The following PTPRN2 variants were observed in gnomAD, a reference collection of about 807,000 sequenced individuals.
PTPRN2 encodes the protein protein tyrosine phosphatase receptor type N2.
In PTPRN2, 74 loss-of-function variants were observed where a neutral mutation model predicts 118.8. The ratio of observed to expected loss-of-function variants is 0.62; its 90% confidence interval spans 0.52 to 0.76. PTPRN2 has a LOEUF of 0.76. PTPRN2 is among the 30% of genes least tolerant of loss of function. PTPRN2 has a pLI of 0.00. For synonymous variants in PTPRN2, 641 were observed against 608.0 expected (o/e 1.05, Z -0.80); for missense variants, 1,481 against 1,394.4 (o/e 1.06, Z -0.99).
At chr7:158,469,554 C>T (rs1819688510) in intron 2 of PTPRN2, among the ~76,000 whole-genome samples, 1 of 152,040 alleles carries the variant, frequency 6.6e-6, no homozygotes, top group Non-Finnish European at 1.5e-5. Context: ...AAGCAAAATC[C>T]CAATTGTTGA....
chr7:158,384,522 C>A (rs1811186208), intron 2 of PTPRN2, among the ~76,000 whole-genome samples: 1 of 152,142 alleles, frequency 6.6e-6, no homozygotes, highest in African/African-American at 2.4e-5. Flanking sequence ...AATGAAAGTA[C>A]ACAAAGCCAG....
intron 10 of PTPRN2, among the ~76,000 whole-genome samples, chr7:158,103,428 C>A (rs541935549): frequency 1.6e-4 from 24 of 152,336 alleles, no homozygotes; most frequent in African/African-American, 5.8e-4. Context: ...ACAGGTGAGA[C>A]TCAAAGACCA....
intron 1 of PTPRN2, among the ~76,000 whole-genome samples, chr7:158,579,848 G>C (rs1425547617): frequency 6.6e-6 from 1 of 152,198 alleles, no homozygotes; most frequent in Non-Finnish European, 1.5e-5. Flanking sequence ...CAGGCACATG[G>C]ATGCCGCAAG....
chr7:157,849,294 C>A (rs1011708800), intron 12 of PTPRN2, among the ~76,000 whole-genome samples: 3 of 152,202 alleles, frequency 2.0e-5, no homozygotes, highest in African/African-American at 7.2e-5. Flanking sequence ...CAGCATGAGG[C>A]CACCGTCATT....
chr7:158,348,013 A>G (rs1260738439), intron 2 of PTPRN2, among the ~76,000 whole-genome samples: 1 of 152,098 alleles, frequency 6.6e-6, no homozygotes, highest in Non-Finnish European at 1.5e-5. Flanking sequence ...CAGGAGCCAC[A>G]AGAACATCTC....
intron 2 of PTPRN2, among the ~76,000 whole-genome samples, chr7:158,448,505 AG>A (rs532198503): frequency 2.2e-4 from 31 of 142,990 alleles, no homozygotes; most frequent in Non-Finnish European, 3.7e-4. Context: ...TGGGGTGGGG[AG>A]GGGGTCCCCT....
chr7:158,323,262 A>G (rs537454295), intron 2 of PTPRN2, among the ~76,000 whole-genome samples: 19 of 152,286 alleles, frequency 1.2e-4, no homozygotes, highest in African/African-American at 4.3e-4. Context: ...GAGTTCTGGG[A>G]TGCAACCCCC....
intron 2 of PTPRN2, among the ~76,000 whole-genome samples, chr7:158,362,373 G>A (rs552529638): frequency 3.8e-5 from 5 of 133,308 alleles, no homozygotes; most frequent in Admixed American, 8.0e-5. Context: ...AGAAAAAAAT[G>A]TCCACAACTC....
intron 2 of PTPRN2, among the ~76,000 whole-genome samples, chr7:158,362,398 A>AG (rs397734842): frequency 2.0e-5 from 3 of 147,094 alleles, no homozygotes; most frequent in East Asian, 4.0e-4. Context: ...ACTCACAGAG[A>AG]AGAAAAATTT....
chr7:157,995,328 C>T (rs962983005), intron 11 of PTPRN2, among the ~76,000 whole-genome samples: 2 of 149,232 alleles, frequency 1.3e-5, no homozygotes, highest in Non-Finnish European at 2.9e-5. Context: ...TAAATCAATG[C>T]CACGTCCCCA....
Position 157,813,129 on chromosome 7 carries a change from C to T in PTPRN2, c.1788+85544G>A, listed in dbSNP as rs1806164280. Among the ~76,000 whole-genome samples, 1 of 152,132 alleles carries T rather than the reference C, an allele frequency of 6.6e-6. No individual in the cohort carries two copies. Among genetic ancestry groups the T allele is most frequent in the Non-Finnish European group, 1.5e-5 (1 of 68,042 alleles). ...CGTGCTAAAACCACACGCATGGCAG[C>T]CTCCCCCAAGCCAACCACCCGGGCC... On this transcript the variant is annotated intron_variant, in intron 12 of 22. Coordinates refer to ENST00000389418, the MANE Select transcript of PTPRN2 (RefSeq NM_002847.5). The surrounding 1 kb of genome is among the most constrained non-coding windows in gnomAD (Gnocchi z 4.7).
intron 12 of PTPRN2, among the ~76,000 whole-genome samples, chr7:157,751,745 C>T (rs1297672873): frequency 6.6e-6 from 1 of 152,008 alleles, no homozygotes; most frequent in African/African-American, 2.4e-5. Flanking sequence ...GCACAGAATC[C>T]CAACTGCCCG....
intron 11 of PTPRN2, among the ~76,000 whole-genome samples, chr7:158,068,750 T>C (rs755277922): frequency 6.6e-6 from 1 of 152,264 alleles, no homozygotes; most frequent in Non-Finnish European, 1.5e-5. Flanking sequence ...GTGAAGCTGA[T>C]GGGATTTTCA....
At chr7:158,059,283 A>T (rs1330004288) in intron 11 of PTPRN2, among the ~76,000 whole-genome samples, 1 of 139,762 alleles carries the variant, frequency 7.2e-6, no homozygotes, top group African/African-American at 3.1e-5. Context: ...CCATCTGCAC[A>T]CAGTGACACA....
At chr7:158,559,414 GC>G (rs1827236444) in intron 1 of PTPRN2, among the ~76,000 whole-genome samples, 2 of 152,032 alleles carry the variant, frequency 1.3e-5, no homozygotes, top group Admixed American at 1.3e-4. Context: ...ATCTTTCCAG[GC>G]CAATACCCAG....
chr7:157,811,464 C>A (rs943156495), intron 12 of PTPRN2, among the ~76,000 whole-genome samples: 3 of 151,682 alleles, frequency 2.0e-5, no homozygotes, highest in Non-Finnish European at 1.5e-5. Flanking sequence ...TGCTGTGTAC[C>A]TGAGTGTGTT....
In PTPRN2 at chr7:157,615,518, G is replaced by T. The variant is rs753845887; in HGVS notation, c.2344+5844C>A. On this transcript the variant is annotated intron_variant, in intron 15 of 22. Transcript: ENST00000389418. The surrounding 1 kb of genome is among the most constrained non-coding windows in gnomAD (Gnocchi z 4.3). ...TGCTCGGGACCTGGGGACGGCTGGG[G>T]TGACCCCATCGCAAGGCCGGGCCGT... 10 of 471,128 alleles carry T rather than the reference G, an allele frequency of 2.1e-5. No homozygotes were observed. The highest frequency in any genetic ancestry group is 2.0e-4 in the African/African-American group (10 of 50,108). The allele number at this position is 471,128 out of a possible 1,614,324, so 29.2% of individuals were successfully genotyped here. A position where few individuals can be genotyped will look rare whatever the true frequency, so the allele number is the denominator to read the frequency against.
At chr7:158,441,166 T>C (rs1817091197) in intron 2 of PTPRN2, among the ~76,000 whole-genome samples, 1 of 149,772 alleles carries the variant, frequency 6.7e-6, no homozygotes, top group Admixed American at 6.6e-5. Flanking sequence ...GTGATGGTGA[T>C]AGCAGTGGTG....
At chr7:158,166,798 T>A in intron 6 of PTPRN2, 133 bp downstream of exon 6, 1 of 1,195,744 alleles carries the variant, frequency 8.4e-7, no homozygotes, top group Non-Finnish European at 1.1e-6. Context: ...TGGTGCCCCA[T>A]TCCTGCCACG....
Sources: gnomAD v4.1 joint callset for allele counts (sites outside exome capture counted in the v4.1 genomes callset) on GRCh38, gnomAD v4.1.1 for gene constraint, Gnocchi (gnomAD v3.1) non-coding constraint, MANE v1.5 for transcripts, NCBI Gene and HGNC (gene_info 2026-07-23, HGNC 2026-07-21) for gene names.